NBEA: variants seen among roughly 807,000 people sequenced by gnomAD.
NBEA encodes lysosomal-trafficking regulator 2.
A neutral mutation model predicts 343.4 loss-of-function variants in NBEA; 44 were observed. The observed-to-expected ratio is 0.13, with a 90% confidence interval of 0.10 to 0.16. NBEA has a LOEUF of 0.16. NBEA is among the 10% of genes least tolerant of loss of function. The pLI is 1.00. For synonymous variants in NBEA, 1,175 were observed against 1,238.7 expected (o/e 0.95, Z 1.08); for missense variants, 2,555 against 3,631.3 (o/e 0.70, Z 7.62).
chr13:34,946,470 T>G (rs1186235774), intron 1 of NBEA, among the ~76,000 whole-genome samples: 1 of 152,116 alleles, frequency 6.6e-6, no homozygotes, highest in Non-Finnish European at 1.5e-5. Flanking sequence ...TAATAGAGGA[T>G]TAATATTTAC....
At chr13:35,644,912 G>A (rs192898339) in intron 49 of NBEA, among the ~76,000 whole-genome samples, 2 of 152,178 alleles carry the variant, frequency 1.3e-5, no homozygotes. Context: ...CATAAAAATT[G>A]GACAGCACTT....
intron 41 of NBEA, among the ~76,000 whole-genome samples, chr13:35,481,457 G>GA (rs1199848647): frequency 6.7e-5 from 10 of 148,826 alleles, no homozygotes; most frequent in South Asian, 6.4e-4. Context: ...TCTGTAAACT[G>GA]AAAAAAAAAT....
chr13:35,352,348 A>G, intron 38 of NBEA, 25 bp downstream of exon 38: 1 of 1,309,586 alleles, frequency 7.6e-7, no homozygotes, highest in Non-Finnish European at 1.0e-6. Flanking sequence ...ATTCGAGTAA[A>G]TAATAATTCA....
At position 35,161,981 on chromosome 13, in the gene NBEA, T is replaced by G; in HGVS notation, c.4079+14T>G. ...TGTTTGGAGGAGGTAGAAATATTTC[T>G]TTTTTATAAATTAAAAGCAAATATT... On this transcript the variant is annotated intron_variant, in intron 23 of 58. Transcript: ENST00000379939. 3 of 1,525,908 alleles carry G rather than the reference T, an allele frequency of 2.0e-6. No individual in the cohort carries two copies. Among genetic ancestry groups the G allele is most frequent in the Non-Finnish European group, 2.7e-6 (3 of 1,130,608 alleles). 94.5% of individuals were successfully genotyped at this position (1,525,908 alleles called of 1,614,324 possible).
In NBEA at chr13:35,050,265, G is replaced by T; in HGVS notation, c.846-4G>T. 1 of 1,607,290 alleles carries T rather than the reference G, an allele frequency of 6.2e-7. No individual in the cohort carries two copies. The highest frequency in any genetic ancestry group is 1.1e-5 in the South Asian group (1 of 90,694). ...TATTATACTATTCTCAGTTGTCTTTGCAGTTTTCGTACTAGCAAAGGAGTT... is the reference window on the plus strand; with the variant it reads ...TATTATACTATTCTCAGTTGTCTTTTCAGTTTTCGTACTAGCAAAGGAGTT... On this transcript the variant is annotated splice_polypyrimidine_tract_variant and splice_region_variant and intron_variant, in intron 5 of 58. Transcript: ENST00000379939.
intron 35 of NBEA, among the ~76,000 whole-genome samples, chr13:35,298,197 G>GTA (rs1431164740): frequency 5.4e-4 from 8 of 14,872 alleles, no homozygotes; most frequent in Non-Finnish European, 2.0e-3. Flanking sequence ...ATGTGTGTGT[G>GTA]TGTGTGTGTG....
At chr13:35,083,592 A>C (rs1194841903) in intron 10 of NBEA, among the ~76,000 whole-genome samples, 1 of 152,158 alleles carries the variant, frequency 6.6e-6, no homozygotes, top group Non-Finnish European at 1.5e-5. Context: ...CTGCCCTAAA[A>C]GAGCTCCTGA....
At chr13:34,988,357 G>C (rs528415256) in intron 1 of NBEA, among the ~76,000 whole-genome samples, 1 of 151,272 alleles carries the variant, frequency 6.6e-6, no homozygotes, top group African/African-American at 2.4e-5. Context: ...TAAGTCTGCA[G>C]ATGTTTCTGC....
At chr13:35,201,866 C>A (rs2073046277) in intron 31 of NBEA, among the ~76,000 whole-genome samples, 1 of 152,096 alleles carries the variant, frequency 6.6e-6, no homozygotes, top group Admixed American at 6.6e-5. Context: ...AAGGTGGATT[C>A]TTTCTGTTAC....
rs997707979 is a variant in NBEA, at chr13:34,980,733, A to G, written c.294+37619A>G. On this transcript the variant is annotated intron_variant, in intron 1 of 58. Coordinates refer to ENST00000379939, the MANE Select transcript of NBEA (RefSeq NM_001385012.1). ...TTGATCATTTAGTAGATTACAATTA[A>G]GATGTTAGCTATAGGAGTTTGTAGA... is the stretch of plus-strand genomic sequence containing the variant. Among the ~76,000 whole-genome samples, 18 of 152,280 alleles carry G rather than the reference A, an allele frequency of 1.2e-4. No homozygotes were observed. The East Asian group carries it at 3.5e-3, about 29-fold the overall frequency.
At chr13:35,654,782 T>G (rs1367843554) in intron 53 of NBEA, 73 bp from the exon 54 acceptor site, 2 of 1,228,698 alleles carry the variant, frequency 1.6e-6, no homozygotes, top group Non-Finnish European at 2.2e-6. Context: ...GAAAGTATTG[T>G]TTTCCTTCTT....
intron 13 of NBEA, among the ~76,000 whole-genome samples, chr13:35,115,935 T>A (rs1448020507): frequency 1.3e-5 from 2 of 152,090 alleles, no homozygotes; most frequent in African/African-American, 2.4e-5. Flanking sequence ...CTGGTCCAAT[T>A]TTATTAATTG....
intron 39 of NBEA, among the ~76,000 whole-genome samples, chr13:35,442,691 A>C (rs987268968): frequency 6.6e-6 from 1 of 152,170 alleles, no homozygotes; most frequent in African/African-American, 2.4e-5. Context: ...TGCTCTAAAA[A>C]ATATTGCTTA....
intron 40 of NBEA, among the ~76,000 whole-genome samples, chr13:35,453,169 C>T (rs188223333): frequency 3.5e-4 from 54 of 152,266 alleles, no homozygotes; most frequent in Middle Eastern, 6.8e-3. Context: ...CTAGTGATTT[C>T]TTTCTACTGG....
At chr13:35,253,457 T>C (rs2032216909) in intron 34 of NBEA, among the ~76,000 whole-genome samples, 1 of 152,254 alleles carries the variant, frequency 6.6e-6, no homozygotes, top group African/African-American at 2.4e-5. Flanking sequence ...AATTTTTATA[T>C]ACACTGGGAA....
chr13:35,246,069 A>G (rs1460641493), intron 34 of NBEA, among the ~76,000 whole-genome samples: 3 of 152,014 alleles, frequency 2.0e-5, no homozygotes, highest in Non-Finnish European at 4.4e-5. Flanking sequence ...TGCATTTTCA[A>G]TTCTGTTGCT....
At chr13:35,031,483 T>C (rs889760117) in intron 1 of NBEA, among the ~76,000 whole-genome samples, 3 of 151,524 alleles carry the variant, frequency 2.0e-5, no homozygotes, top group Admixed American at 2.0e-4. Context: ...AGGTATTCGA[T>C]TGGTGACTAC....
intron 36 of NBEA, among the ~76,000 whole-genome samples, chr13:35,332,091 T>G (rs1444613175): frequency 6.6e-6 from 1 of 152,094 alleles, no homozygotes; most frequent in Non-Finnish European, 1.5e-5. Context: ...AGCTGTATAC[T>G]ATTGGTGATT....
intron 41 of NBEA, among the ~76,000 whole-genome samples, chr13:35,525,538 A>G (rs1473514025): frequency 6.6e-6 from 1 of 152,178 alleles, no homozygotes; most frequent in Non-Finnish European, 1.5e-5. Context: ...GCATGACAGG[A>G]GCAAGATTCC....
Sources: gnomAD v4.1 joint callset for allele counts (sites outside exome capture counted in the v4.1 genomes callset) on GRCh38, gnomAD v4.1.1 for gene constraint, MANE v1.5 for transcripts, NCBI Gene and HGNC (gene_info 2026-07-23, HGNC 2026-07-21) for gene names.